ARHGAP10: variants seen among roughly 807,000 people sequenced by gnomAD.
ARHGAP10 encodes the protein rho GTPase-activating protein 10.
A neutral mutation model predicts 108.6 loss-of-function variants in ARHGAP10; 87 were observed. The observed-to-expected ratio is 0.80, with a 90% CI of 0.67 to 0.96. The LOEUF (loss-of-function observed/expected upper bound fraction) is 0.96, where lower values mean the gene tolerates loss of function less well. ARHGAP10 is among the 40% of genes least tolerant of loss of function. ARHGAP10 has a pLI of 0.00. For synonymous variants in ARHGAP10, 347 were observed against 341.1 expected (o/e 1.02, Z -0.19); for missense variants, 939 against 954.5 (o/e 0.98, Z 0.21).
rs114465106 is a variant in ARHGAP10 at position 147,903,817 on chromosome 4, A to C, written c.1035-2821A>C. Reference sequence around the variant, plus strand: ...TCTTTTTAGCACCGAATAATACTCCATTGTCAGGATGTACTACAGTTTATT... The same window carrying C: ...TCTTTTTAGCACCGAATAATACTCCCTTGTCAGGATGTACTACAGTTTATT... On this transcript the variant is annotated intron_variant, in intron 10 of 22. Coordinates refer to ENST00000336498, the MANE Select transcript of ARHGAP10 (RefSeq NM_024605.4). 6.5e-3 allele frequency among the ~76,000 whole-genome samples: 995 copies of C among 152,208 alleles called. 8 individuals carry two copies. The highest frequency in any genetic ancestry group is 0.023 in the African/African-American group (958 of 41,510).
rs542822764 is a variant in ARHGAP10, at chr4:147,960,308, C to T, written c.1451-4716C>T. ...TTTAATTTCTTAGCCTTTTTGCATC[C>T]TTTCTGTTTAGCAACAGCTGTCTTA... On this transcript the variant is annotated intron_variant, in intron 16 of 22. Coordinates refer to ENST00000336498, the MANE Select transcript of ARHGAP10 (RefSeq NM_024605.4). Among the ~76,000 whole-genome samples, 5 of 151,960 alleles carry T rather than the reference C, an allele frequency of 3.3e-5. No homozygotes were observed. In the South Asian group the frequency reaches 1.0e-3, roughly 32 times the overall value.
intron 1 of ARHGAP10, among the ~76,000 whole-genome samples, chr4:147,785,983 C>T (rs1294611530): frequency 6.6e-6 from 1 of 152,090 alleles, no homozygotes; most frequent in Non-Finnish European, 1.5e-5. Context: ...GGTCAAACTT[C>T]TTTCTGATTT....
chr4:147,810,116 A>G (rs1012521647), intron 1 of ARHGAP10, among the ~76,000 whole-genome samples: 7 of 152,226 alleles, frequency 4.6e-5, no homozygotes, highest in African/African-American at 1.7e-4. Flanking sequence ...GGAAGAAGAA[A>G]GGAGTGATAT....
chr4:147,742,679 T>C (rs1728733097), intron 1 of ARHGAP10, among the ~76,000 whole-genome samples: 2 of 151,600 alleles, frequency 1.3e-5, no homozygotes, highest in Non-Finnish European at 2.9e-5. Flanking sequence ...AGAGATGGGG[T>C]TTCACCATGT....
intron 18 of ARHGAP10, among the ~76,000 whole-genome samples, chr4:147,977,583 A>G (rs546947419): frequency 2.6e-5 from 4 of 152,194 alleles, no homozygotes; most frequent in Non-Finnish European, 5.9e-5. Flanking sequence ...ACAGTTTAGT[A>G]TAATATGGCA....
chr4:147,811,367 T>C (rs978430453), intron 1 of ARHGAP10, among the ~76,000 whole-genome samples: 1 of 152,208 alleles, frequency 6.6e-6, no homozygotes. Flanking sequence ...TGGGGTTCAC[T>C]GCTCCCTAGG....
At chr4:147,881,974 T>TA (rs573781469) in intron 10 of ARHGAP10, 42 bp downstream of exon 10, 2 of 1,577,466 alleles carry the variant, frequency 1.3e-6, no homozygotes, top group East Asian at 2.2e-5. Context: ...AGAGTCGTTT[T>TA]AAAAAAATGA....
intron 3 of ARHGAP10, among the ~76,000 whole-genome samples, chr4:147,836,807 A>G (rs1733187903): frequency 1.3e-5 from 2 of 152,084 alleles, no homozygotes; most frequent in Middle Eastern, 3.4e-3. Flanking sequence ...TTTGTTGGGA[A>G]GTTACAATTG....
At chr4:147,903,495 G>A (rs190486099) in intron 10 of ARHGAP10, among the ~76,000 whole-genome samples, 1 of 152,142 alleles carries the variant, frequency 6.6e-6, no homozygotes, top group East Asian at 1.9e-4. Flanking sequence ...TTTACATTAG[G>A]GCTCACTCTT....
chr4:147,890,813 C>T (rs1299731782), intron 10 of ARHGAP10, among the ~76,000 whole-genome samples: 3 of 151,766 alleles, frequency 2.0e-5, no homozygotes, highest in South Asian at 2.1e-4. Context: ...AGCAACAGAG[C>T]GAGACTCCAT....
At chr4:147,784,806 A>ATATTATAAAATATATATTATAAAT (rs1560756895) in intron 1 of ARHGAP10, among the ~76,000 whole-genome samples, 70 of 3,730 alleles carry the variant, frequency 0.019, 28 homozygotes, top group East Asian at 0.062. Flanking sequence ...TTATAAATAT[A>ATATTATAAAATATATATTATAAAT]ATATATTATA....
intron 22 of ARHGAP10, 128 bp from the exon 23 acceptor site, chr4:148,071,865 G>A (rs573490520): frequency 7.1e-6 from 5 of 703,412 alleles, no homozygotes; most frequent in Middle Eastern, 7.4e-4. Context: ...TGCAGACTTT[G>A]TGACCCAACA....
intron 20 of ARHGAP10, among the ~76,000 whole-genome samples, chr4:148,050,441 T>C (rs981089032): frequency 7.1e-6 from 1 of 141,332 alleles, no homozygotes; most frequent in African/African-American, 2.6e-5. Flanking sequence ...TGGTGCCATC[T>C]CAGCTCACTG....
Position 147,816,505 on chromosome 4 carries a change from C to G in ARHGAP10, c.155-6222C>G, listed in dbSNP as rs189206193. ...GATAAGAATTCATTACACAGACACC[C>G]CAGGCAAGCTGGACTCAGAGTTAGG... On this transcript the variant is annotated intron_variant, in intron 1 of 22. Coordinates refer to ENST00000336498, the MANE Select transcript of ARHGAP10 (RefSeq NM_024605.4). Among the ~76,000 whole-genome samples, 55 of 152,310 alleles carry G rather than the reference C, an allele frequency of 3.6e-4. No homozygotes were observed. In the South Asian group the frequency reaches 7.9e-3, roughly 22 times the overall value.
intron 8 of ARHGAP10, among the ~76,000 whole-genome samples, chr4:147,877,083 A>C (rs1368085763): frequency 6.6e-6 from 1 of 152,162 alleles, no homozygotes; most frequent in East Asian, 1.9e-4. Context: ...TCAGAAGGGA[A>C]TGGTGGCTTA....
chr4:147,856,957 A>T (rs963983037), intron 4 of ARHGAP10, among the ~76,000 whole-genome samples: 2 of 152,270 alleles, frequency 1.3e-5, no homozygotes, highest in South Asian at 2.1e-4. Flanking sequence ...GGTTCAAGTG[A>T]TTCTCACGCC....
At position 147,989,042 on chromosome 4, in the gene ARHGAP10, C is replaced by A. The variant is rs945620401; in HGVS notation, c.1716+22203C>A. 4.6e-5 allele frequency among the ~76,000 whole-genome samples: 7 copies of A among 152,106 alleles called. 1 individual carries two copies. Among genetic ancestry groups the A allele is most frequent in the Non-Finnish European group, 1.0e-4 (7 of 68,030 alleles). ...GGTTCTTCTCTATTTTCCTAAGTGT[C>A]GACTGGCTTGAGAAATAAAAGGACA... On this transcript the variant is annotated intron_variant, in intron 18 of 22. Transcript: ENST00000336498.
intron 14 of ARHGAP10, among the ~76,000 whole-genome samples, chr4:147,944,698 G>T (rs1738303277): frequency 6.6e-6 from 1 of 151,972 alleles, no homozygotes; most frequent in African/African-American, 2.4e-5. Flanking sequence ...AAACAACGAG[G>T]TTTTTTTTGG....
intron 1 of ARHGAP10, among the ~76,000 whole-genome samples, chr4:147,784,301 A>G (rs1301514362): frequency 1.5e-5 from 2 of 137,368 alleles, no homozygotes; most frequent in African/African-American, 5.2e-5. Context: ...TAATTTACAT[A>G]ACATTAAATT....
Sources: allele counts gnomAD v4.1 joint callset (sites outside exome capture counted in the v4.1 genomes callset), GRCh38; gene constraint gnomAD v4.1.1; transcripts MANE v1.5; gene names NCBI Gene and HGNC (gene_info 2026-07-23, HGNC 2026-07-21).